Variants in COL21A1 observed in about 807,000 individuals in gnomAD.
COL21A1 encodes the protein collagen type XXI alpha 1 chain.
Under a neutral mutation model 137.9 loss-of-function variants are expected in COL21A1, and 149 were observed. That is an observed-to-expected ratio of 1.08 (90% CI 0.95 to 1.24). The LOEUF (loss-of-function observed/expected upper bound fraction) is 1.24. Ranked by LOEUF, COL21A1 falls within the 50% of genes most tolerant of loss-of-function variation. The pLI is 0.00. For synonymous variants in COL21A1, 456 were observed against 391.5 expected, an observed-to-expected ratio of 1.16 and a Z score of -1.95; for missense variants, 1,167 against 1,158.4, an observed-to-expected ratio of 1.01 and a Z score of -0.11.
chr6:56,089,496 A>T (rs1481171534), intron 17 of COL21A1, among the ~76,000 whole-genome samples: 1 of 152,200 alleles, frequency 6.6e-6, no homozygotes, highest in East Asian at 1.9e-4. Flanking sequence ...ACAAGTTTTT[A>T]AAACTGTCAA....
chr6:56,070,173 A>G (rs1450463853), intron 21 of COL21A1, among the ~76,000 whole-genome samples: 1 of 151,556 alleles, frequency 6.6e-6, no homozygotes. Flanking sequence ...CCGTTAGTCC[A>G]AAACTCTGTA....
intron 1 of COL21A1, among the ~76,000 whole-genome samples, chr6:56,312,259 G>A (rs1030695899): frequency 2.6e-5 from 4 of 152,188 alleles, no homozygotes; most frequent in African/African-American, 9.7e-5. Context: ...GACTTAGAAG[G>A]TTAATGCAAA....
intron 1 of COL21A1, among the ~76,000 whole-genome samples, chr6:56,306,843 T>A (rs1024873600): frequency 6.6e-6 from 1 of 152,114 alleles, no homozygotes; most frequent in African/African-American, 2.4e-5. Context: ...TTTTTCCCCA[T>A]CTTTGTGGTT....
At chr6:56,164,845 G>A in intron 7 of COL21A1, 23 bp from the exon 8 acceptor site, 1 of 1,444,752 alleles carries the variant, frequency 6.9e-7, no homozygotes, top group Non-Finnish European at 9.5e-7. Context: ...CAACAAATGT[G>A]TTTTAAAATG....
At chr6:56,119,295 A>C (rs1446129671) in intron 16 of COL21A1, among the ~76,000 whole-genome samples, 1 of 152,192 alleles carries the variant, frequency 6.6e-6, no homozygotes, top group African/African-American at 2.4e-5. Context: ...ACAATCTGAA[A>C]AAGAAATTTA....
chr6:56,310,477 C>G (rs556108254), intron 1 of COL21A1, among the ~76,000 whole-genome samples: 3 of 152,268 alleles, frequency 2.0e-5, no homozygotes, highest in South Asian at 4.1e-4. Flanking sequence ...TTGAGAACCA[C>G]TGTCTTAAAG....
chr6:56,057,982 A>G (rs1038101413), intron 29 of COL21A1, 138 bp from the exon 30 acceptor site: 4 of 562,900 alleles, frequency 7.1e-6, no homozygotes, highest in Non-Finnish European at 1.2e-5. Flanking sequence ...TAGTAGAGGC[A>G]TTTTCTTGAT....
At chr6:56,263,757 C>G (rs1763335684) in intron 1 of COL21A1, among the ~76,000 whole-genome samples, 1 of 152,178 alleles carries the variant, frequency 6.6e-6, no homozygotes, top group Admixed American at 6.5e-5. Flanking sequence ...TAATGTGAAG[C>G]TGTGTTCTTG....
At chr6:56,145,520 A>C (rs950245932) in intron 10 of COL21A1, among the ~76,000 whole-genome samples, 1 of 152,214 alleles carries the variant, frequency 6.6e-6, no homozygotes, top group Admixed American at 6.5e-5. Context: ...AAAAAGGGGA[A>C]TATTACAACA....
chr6:56,078,172 A>G (rs1562159844), intron 17 of COL21A1: 1 of 455,892 alleles, frequency 2.2e-6, no homozygotes. Context: ...CACGTGGCTG[A>G]ACTCATATGC....
chr6:56,257,577 A>G (rs1763132452), intron 1 of COL21A1, among the ~76,000 whole-genome samples: 1 of 152,296 alleles, frequency 6.6e-6, no homozygotes, highest in Middle Eastern at 3.4e-3. Flanking sequence ...ATCAGGGGTT[A>G]GCAAACATTT....
At chr6:56,335,086 T>C (rs1355005290) in intron 1 of COL21A1, among the ~76,000 whole-genome samples, 1 of 152,028 alleles carries the variant, frequency 6.6e-6, no homozygotes, top group Non-Finnish European at 1.5e-5. Context: ...TTTTTTTGGA[T>C]AGACTAATAC....
chr6:56,075,431 G>C, intron 19 of COL21A1, 48 bp downstream of exon 19: 1 of 1,449,340 alleles, frequency 6.9e-7, no homozygotes, highest in Admixed American at 2.3e-5. Flanking sequence ...GTAGGTAGTA[G>C]CAACACTGCA....
chr6:56,264,341 C>G (rs1001604575), intron 1 of COL21A1, among the ~76,000 whole-genome samples: 2 of 152,170 alleles, frequency 1.3e-5, no homozygotes, highest in Non-Finnish European at 2.9e-5. Flanking sequence ...TCTCATCCCA[C>G]CACTTCTCTC....
At chr6:56,146,519 A>G (rs1037609652) in intron 10 of COL21A1, among the ~76,000 whole-genome samples, 1 of 152,158 alleles carries the variant, frequency 6.6e-6, no homozygotes, top group Non-Finnish European at 1.5e-5. Context: ...TACTTCATTA[A>G]TAAGTTCCAT....
intron 17 of COL21A1, among the ~76,000 whole-genome samples, chr6:56,085,686 G>A (rs895419550): frequency 6.6e-6 from 1 of 151,792 alleles, no homozygotes; most frequent in Non-Finnish European, 1.5e-5. Flanking sequence ...CTTTACATCA[G>A]ACTCACATGC....
At chr6:56,112,231 A>G (rs1336800715) in intron 16 of COL21A1, among the ~76,000 whole-genome samples, 1 of 152,188 alleles carries the variant, frequency 6.6e-6, no homozygotes, top group African/African-American at 2.4e-5. Context: ...GAATCTCCCT[A>G]TGGGAAAAAA....
chr6:56,332,591 C>T (rs1335802399), intron 1 of COL21A1, among the ~76,000 whole-genome samples: 2 of 145,644 alleles, frequency 1.4e-5, no homozygotes, highest in African/African-American at 2.8e-5. Context: ...CCCCCCCGCC[C>T]CCGCCAAAAA....
At chr6:56,222,996 T>C (rs1359925624) in intron 1 of COL21A1, among the ~76,000 whole-genome samples, 2 of 151,508 alleles carry the variant, frequency 1.3e-5, no homozygotes, top group African/African-American at 4.9e-5. Flanking sequence ...TATTAAATGC[T>C]GACAAAGTTA....
Sources: gnomAD v4.1 joint callset for allele counts (sites outside exome capture counted in the v4.1 genomes callset) on GRCh38, gnomAD v4.1.1 for gene constraint, MANE v1.5 for transcripts, NCBI Gene and HGNC (gene_info 2026-07-23, HGNC 2026-07-21) for gene names.